Variants in KDM4B observed in about 807,000 individuals in gnomAD.
KDM4B encodes the protein lysine-specific demethylase 4B.
Under a neutral mutation model 125.2 loss-of-function variants are expected in KDM4B, and 32 were observed. The ratio of observed to expected loss-of-function variants is 0.26; its 90% CI spans 0.19 to 0.34. The LOEUF is 0.34. Among genes scored for constraint, KDM4B ranks in the 10% least tolerant of loss-of-function variants. The pLI is 1.00. For synonymous variants in KDM4B, 721 were observed against 677.9 expected, an observed-to-expected ratio of 1.06 and a Z score of -0.99; for missense variants, 1,190 against 1,577.7, an observed-to-expected ratio of 0.75 and a Z score of 4.16.
chr19:5,078,065 C>G lies in KDM4B; in HGVS notation c.780+595C>G, dbSNP rs2038175103. 2 of 155,000 alleles carry G rather than the reference C, an allele frequency of 1.3e-5. No homozygotes were observed. Among genetic ancestry groups the G allele is most frequent in the Admixed American group, 1.3e-4 (2 of 15,780 alleles). The allele number at this position is 155,000 out of a possible 1,614,324, so 9.6% of individuals were successfully genotyped here. On this transcript the variant is annotated intron_variant, in intron 8 of 22. Coordinates refer to ENST00000159111, the MANE Select transcript of KDM4B (RefSeq NM_015015.3). This position sits in a 1 kb window ranked among gnomAD's most constrained non-coding sequence, Gnocchi z 4.5. Reference sequence around the variant, plus strand: ...GGCCGGGGGGTGGGGCCTCCCTACACCTGATTTGATGGACAGCTGGGGTTT... The same window carrying G: ...GGCCGGGGGGTGGGGCCTCCCTACAGCTGATTTGATGGACAGCTGGGGTTT...
At chr19:4,992,710 C>T (rs556374468) in intron 1 of KDM4B, among the ~76,000 whole-genome samples, 1 of 152,280 alleles carries the variant, frequency 6.6e-6, no homozygotes, top group Non-Finnish European at 1.5e-5. Flanking sequence ...CTTGGCCTCC[C>T]AAAGTGCTGG....
chr19:4,991,636 G>C (rs190370830), intron 1 of KDM4B, among the ~76,000 whole-genome samples: 66 of 152,336 alleles, frequency 4.3e-4, no homozygotes, highest in Admixed American at 7.8e-4. Context: ...CTCAGTGTTA[G>C]CACTGGCTCA....
chr19:4,992,025 G>T (rs754931586), intron 1 of KDM4B, among the ~76,000 whole-genome samples: 2 of 152,102 alleles, frequency 1.3e-5, no homozygotes, highest in African/African-American at 4.8e-5. Flanking sequence ...TTTCATTCCC[G>T]ATTTTAGCAA....
intron 3 of KDM4B, among the ~76,000 whole-genome samples, chr19:5,037,949 A>G (rs1177240716): frequency 6.6e-6 from 1 of 152,268 alleles, no homozygotes; most frequent in Non-Finnish European, 1.5e-5. Context: ...AAGTGTTTTC[A>G]TTGCCAAGCA....
At chr19:5,008,782 T>TA (rs2035639907) in intron 1 of KDM4B, among the ~76,000 whole-genome samples, 1 of 151,380 alleles carries the variant, frequency 6.6e-6, no homozygotes. Context: ...TTAATATTTT[T>TA]AGTAGAGACA....
rs1407725799 is a variant in KDM4B, at chr19:5,115,983, C to T, written c.1116-3670C>T. ...CTTTGCATTTCCAGGTTAAAAAGTC[C>T]ACCAGAAAGTCCGCCCAAGAATGGA... On this transcript the variant is annotated intron_variant, in intron 10 of 22. Transcript: ENST00000159111. This position sits in a 1 kb window ranked among gnomAD's most constrained non-coding sequence, Gnocchi z 4.2. Among the ~76,000 whole-genome samples the T allele has an allele frequency of 2.0e-5, 3 of 152,068 alleles. No individual in the cohort carries two copies. The highest frequency in any genetic ancestry group is 2.9e-5 in the Non-Finnish European group (2 of 68,014).
chr19:5,040,383 A>G lies in KDM4B; in HGVS notation c.317+372A>G, dbSNP rs367653030. Among the ~76,000 whole-genome samples, 4 of 152,192 alleles carry G rather than the reference A, an allele frequency of 2.6e-5. No homozygotes were observed. The East Asian group carries it at 7.7e-4, about 29-fold the overall frequency. ...TGCACAGGCACACAGGAGGGCACAG[A>G]CACAGAACACACGAGGGCACATGTA... is the stretch of plus-strand genomic sequence containing the variant. On this transcript the variant is annotated intron_variant, in intron 4 of 22. Transcript: ENST00000159111.
At chr19:5,038,338 A>C (rs1430470637) in intron 3 of KDM4B, among the ~76,000 whole-genome samples, 6 of 152,200 alleles carry the variant, frequency 3.9e-5, no homozygotes, top group Non-Finnish European at 8.8e-5. Flanking sequence ...CACCCCCACC[A>C]GAGGAGGGAA....
Position 5,114,270 on chromosome 19 carries a change from C to T in KDM4B, c.1115+3452C>T, listed in dbSNP as rs1029436673. 5 of 1,270,590 alleles carry T rather than the reference C, an allele frequency of 3.9e-6. No homozygotes were observed. The highest frequency in any genetic ancestry group is 5.1e-6 in the Non-Finnish European group (5 of 971,436). 78.7% of individuals were successfully genotyped at this position (1,270,590 alleles called of 1,614,324 possible). ...TGTGCACCCGCCTCACCACAGCCTC[C>T]CTGGCCCACTGCTGCTCTGTGAGCC... On this transcript the variant is annotated intron_variant, in intron 10 of 22. Coordinates refer to ENST00000159111, the MANE Select transcript of KDM4B (RefSeq NM_015015.3). This position sits in a 1 kb window ranked among gnomAD's most constrained non-coding sequence, Gnocchi z 5.8.
intron 9 of KDM4B, among the ~76,000 whole-genome samples, chr19:5,090,438 CA>C (rs1210450887): frequency 1.2e-5 from 1 of 82,846 alleles, no homozygotes; most frequent in Non-Finnish European, 2.4e-5. Flanking sequence ...CTCTCTCCCC[CA>C]TCTCTCTTCC....
At chr19:5,137,499 G>T in intron 16 of KDM4B, 122 bp from the exon 17 acceptor site, 1 of 1,234,756 alleles carries the variant, frequency 8.1e-7, no homozygotes, top group Non-Finnish European at 1.1e-6. Context: ...CCGTCACTTT[G>T]GTGGCTGCTA....
In KDM4B at chr19:5,109,702, A is replaced by G. The variant is rs1265125503; in HGVS notation, c.919-920A>G. On this transcript the variant is annotated intron_variant, in intron 9 of 22. Coordinates refer to ENST00000159111, the MANE Select transcript of KDM4B (RefSeq NM_015015.3). ...CCAGACCCTCAGCATCTTCTTCGTT[A>G]ACATTGTCGTCCCTCCAGCCCTGCA... 2.6e-5 allele frequency among the ~76,000 whole-genome samples: 4 copies of G among 152,056 alleles called. No homozygotes were observed. In the South Asian group the frequency reaches 6.2e-4, roughly 24 times the overall value.
intron 1 of KDM4B, among the ~76,000 whole-genome samples, chr19:5,006,722 G>A (rs1046493775): frequency 2.6e-5 from 4 of 151,552 alleles, no homozygotes; most frequent in Non-Finnish European, 4.4e-5. Context: ...GCAGTGACCT[G>A]AGATCATGCC....
chr19:5,047,735 G>T, intron 6 of KDM4B, 66 bp downstream of exon 6: 1 of 1,518,190 alleles, frequency 6.6e-7, no homozygotes, highest in Middle Eastern at 1.9e-4. Context: ...GTCAATCCCG[G>T]GTACACGGCT....
Position 5,043,746 on chromosome 19 carries a change from G to T in KDM4B, c.432+2495G>T, listed in dbSNP as rs544179181. 2.7e-5 allele frequency among the ~76,000 whole-genome samples: 4 copies of T among 145,702 alleles called. No homozygotes were observed. The East Asian group carries it at 8.1e-4, about 30-fold the overall frequency. Reference sequence around the variant, plus strand: ...CCTGCGTGGTGTTTATCGGAGTGGGGGTGTCCACTGTATCCCGCGTGGTGG... The same window carrying T: ...CCTGCGTGGTGTTTATCGGAGTGGGTGTGTCCACTGTATCCCGCGTGGTGG... On this transcript the variant is annotated intron_variant, in intron 5 of 22. Coordinates refer to ENST00000159111, the MANE Select transcript of KDM4B (RefSeq NM_015015.3).
chr19:5,115,608 G>T lies in KDM4B; in HGVS notation c.1116-4045G>T, dbSNP rs566467831. Among the ~76,000 whole-genome samples the T allele has an allele frequency of 2.6e-5, 4 of 152,366 alleles. No homozygotes were observed. In the East Asian group the frequency reaches 7.7e-4, roughly 29 times the overall value. On this transcript the variant is annotated intron_variant, in intron 10 of 22. Transcript: ENST00000159111. The surrounding 1 kb of genome is among the most constrained non-coding windows in gnomAD (Gnocchi z 4.2). ...CGGCCAGGGGACCCGACACATTGGA[G>T]GCTGCGCTCCCATGACAAAGGCAGG... is the stretch of plus-strand genomic sequence containing the variant.
Position 5,131,172 on chromosome 19 carries a change from C to T in KDM4B, c.1412C>T (p.Ala471Val). The T allele has an allele frequency of 1.9e-6, 3 of 1,594,134 alleles. No individual in the cohort carries two copies. The highest frequency in any genetic ancestry group is 1.1e-5 in the South Asian group (1 of 88,794). Residue 471 changes from alanine to valine, a missense_variant, in exon 12 of 23, where the codon GCT (alanine) becomes GTT (valine). This residue lies in a region of KDM4B where 428 missense variants were observed against 405.1 expected (regional missense o/e 1.06). Transcript: ENST00000159111. ...LLPPQLPPPP[A>V]HFPSEEALWL... is the part of the protein sequence containing the mutation. ...CCCCCACAGCTGCCGCCCCCGCCTG[C>T]TCACTTCCCCTCAGAGGAGGCGCTG... is the stretch of plus-strand genomic sequence containing the variant.
chr19:5,037,458 C>T (rs1568246066), intron 3 of KDM4B, among the ~76,000 whole-genome samples: 2 of 152,194 alleles, frequency 1.3e-5, no homozygotes, highest in African/African-American at 4.8e-5. Flanking sequence ...ACGGCAGCCC[C>T]GCAGCTGCCC....
intron 13 of KDM4B, among the ~76,000 whole-genome samples, chr19:5,133,559 G>A (rs555470530): frequency 1.8e-4 from 27 of 152,340 alleles, no homozygotes; most frequent in Admixed American, 7.8e-4. Context: ...GTGAGTGGAC[G>A]GCTCTGGATG....
Sources: allele counts gnomAD v4.1 joint callset (sites outside exome capture counted in the v4.1 genomes callset), GRCh38; gene constraint gnomAD v4.1.1; regional missense constraint gnomAD v4.1.1; non-coding constraint Gnocchi (gnomAD v3.1); transcripts MANE v1.5; gene names NCBI Gene and HGNC (gene_info 2026-07-23, HGNC 2026-07-21).